The following VPS41 variants were observed in gnomAD, a reference collection of about 807,000 sequenced individuals.
The protein encoded by VPS41 is vacuolar protein sorting-associated protein 41 homolog.
In VPS41, 85 loss-of-function variants were observed where a neutral mutation model predicts 130.9. That is an observed-to-expected ratio of 0.65 (90% CI 0.55 to 0.78). VPS41 has a LOEUF of 0.78. VPS41 is among the 30% of genes least tolerant of loss of function. The probability of loss-of-function intolerance (pLI) is 0.00; values close to 1 mark genes in which losing one functional copy is unlikely to be tolerated. For synonymous variants in VPS41, 335 were observed against 332.9 expected, an observed-to-expected ratio of 1.01 and a Z score of -0.07; for missense variants, 874 against 1,018.7, an observed-to-expected ratio of 0.86 and a Z score of 1.93.
intron 22 of VPS41, among the ~76,000 whole-genome samples, chr7:38,748,870 CT>C (rs1182428774): frequency 8.1e-5 from 12 of 148,738 alleles, no homozygotes; most frequent in Non-Finnish European, 1.5e-5. Context: ...TAGCTCTAGA[CT>C]TTAGGCTTTT....
At chr7:38,791,035 T>C (rs550291435) in intron 9 of VPS41, among the ~76,000 whole-genome samples, 1 of 152,344 alleles carries the variant, frequency 6.6e-6, no homozygotes, top group African/African-American at 2.4e-5. Flanking sequence ...ACTCAGTGAA[T>C]GCAGAGTGCC....
chr7:38,858,896 A>G (rs547660905), intron 4 of VPS41, among the ~76,000 whole-genome samples: 40 of 152,336 alleles, frequency 2.6e-4, no homozygotes, highest in Admixed American at 1.4e-3. Flanking sequence ...GAAGTTACCC[A>G]TAAAACAGCC....
chr7:38,814,366 C>T (rs537332275), intron 7 of VPS41, among the ~76,000 whole-genome samples: 2 of 152,232 alleles, frequency 1.3e-5, no homozygotes, highest in Admixed American at 6.5e-5. Flanking sequence ...TATTAAAGAA[C>T]ACAGGCCGGG....
intron 2 of VPS41, among the ~76,000 whole-genome samples, chr7:38,885,607 G>A (rs1417113904): frequency 1.3e-5 from 2 of 152,130 alleles, no homozygotes; most frequent in African/African-American, 2.4e-5. Flanking sequence ...TAGGACTGTG[G>A]TCCATATTAA....
At chr7:38,783,828 A>G (rs762565681) in intron 10 of VPS41, among the ~76,000 whole-genome samples, 2 of 152,250 alleles carry the variant, frequency 1.3e-5, no homozygotes, top group Non-Finnish European at 2.9e-5. Context: ...CCATCCTCCA[A>G]TAATTCCCAA....
intron 5 of VPS41, among the ~76,000 whole-genome samples, chr7:38,826,323 A>C (rs1184023300): frequency 2.0e-5 from 3 of 152,232 alleles, no homozygotes; most frequent in Non-Finnish European, 2.9e-5. Flanking sequence ...ATGGATAAAC[A>C]AATCAAACAA....
chr7:38,740,758 A>T (rs922309211), intron 25 of VPS41, among the ~76,000 whole-genome samples: 1 of 152,014 alleles, frequency 6.6e-6, no homozygotes, highest in Admixed American at 6.6e-5. Context: ...TTGTCCAGTT[A>T]ATACTACTGT....
intron 3 of VPS41, among the ~76,000 whole-genome samples, chr7:38,867,183 G>T: frequency 6.6e-6 from 1 of 152,166 alleles, no homozygotes; most frequent in Non-Finnish European, 1.5e-5. Context: ...TATATAGTAT[G>T]CATCTCTGGG....
chr7:38,803,131 T>C (rs1784765283), intron 7 of VPS41, among the ~76,000 whole-genome samples: 1 of 152,234 alleles, frequency 6.6e-6, no homozygotes, highest in East Asian at 1.9e-4. Flanking sequence ...AGTGCTTTCC[T>C]ACTCTACAGA....
chr7:38,874,437 G>T (rs1274419831), intron 2 of VPS41, among the ~76,000 whole-genome samples: 2 of 152,162 alleles, frequency 1.3e-5, no homozygotes, highest in African/African-American at 4.8e-5. Flanking sequence ...ACCACCACCA[G>T]TGGAGCACTC....
intron 7 of VPS41, among the ~76,000 whole-genome samples, chr7:38,806,646 C>T (rs1376967865): frequency 6.6e-6 from 1 of 152,274 alleles, no homozygotes; most frequent in African/African-American, 2.4e-5. Context: ...CCTGCCCAGA[C>T]ACAAATATTG....
chr7:38,906,151 C>T (rs1236862195), intron 1 of VPS41, among the ~76,000 whole-genome samples: 2 of 152,032 alleles, frequency 1.3e-5, no homozygotes, highest in Non-Finnish European at 2.9e-5. Context: ...TAATAAAGCC[C>T]TACTACCGTC....
chr7:38,821,426 C>T (rs1026146081), intron 5 of VPS41, among the ~76,000 whole-genome samples, 161 bp from the exon 6 acceptor site: 14 of 152,118 alleles, frequency 9.2e-5, no homozygotes, highest in African/African-American at 2.7e-4. Flanking sequence ...CCATCAGCCA[C>T]GTACGGTGGC....
Position 38,779,278 on chromosome 7 carries a change from G to A in VPS41, c.785-2502C>T, listed in dbSNP as rs150089795. The stretch of plus-strand genomic sequence containing the variant: ...AATAATATTGTCAAGACTTCCAGAC[G>A]CACAGGTAAGCAAGTAATCAACATT... On this transcript the variant is annotated intron_variant, in intron 10 of 28. Transcript: ENST00000310301. 3.1e-3 allele frequency among the ~76,000 whole-genome samples: 468 copies of A among 152,240 alleles called. 2 individuals are homozygous for A. Among genetic ancestry groups the A allele is most frequent in the Middle Eastern group, 6.8e-3 (2 of 294 alleles).
chr7:38,767,667 T>C, intron 14 of VPS41, 69 bp from the exon 15 acceptor site: 1 of 1,149,166 alleles, frequency 8.7e-7, no homozygotes, highest in Non-Finnish European at 1.3e-6. Flanking sequence ...TCTCGGTTTC[T>C]GCACAGGGCA....
At chr7:38,786,865 G>A (rs893891443) in intron 10 of VPS41, among the ~76,000 whole-genome samples, 10 of 151,988 alleles carry the variant, frequency 6.6e-5, no homozygotes, top group African/African-American at 2.4e-4. Context: ...CCATATAGCT[G>A]AATCAAAATG....
chr7:38,851,790 G>A (rs1785860905), intron 4 of VPS41, among the ~76,000 whole-genome samples: 2 of 152,146 alleles, frequency 1.3e-5, no homozygotes, highest in African/African-American at 4.8e-5. Context: ...GAGAGTTCTA[G>A]TTCCTCCACA....
At chr7:38,867,298 C>G (rs1786249118) in intron 3 of VPS41, among the ~76,000 whole-genome samples, 1 of 152,072 alleles carries the variant, frequency 6.6e-6, no homozygotes, top group Non-Finnish European at 1.5e-5. Context: ...GTAATCTCAG[C>G]ACTTTGGGAG....
chr7:38,821,806 G>T (rs1255349597), intron 5 of VPS41, among the ~76,000 whole-genome samples: 1 of 151,996 alleles, frequency 6.6e-6, no homozygotes, highest in Non-Finnish European at 1.5e-5. Context: ...AGCATTCCAT[G>T]GATAGAGTTC....
Sources: allele counts gnomAD v4.1 joint callset (sites outside exome capture counted in the v4.1 genomes callset), GRCh38; gene constraint gnomAD v4.1.1; transcripts MANE v1.5; gene names NCBI Gene and HGNC (gene_info 2026-07-23, HGNC 2026-07-21).